The following KCNJ6 variants were observed in gnomAD, a reference collection of about 807,000 sequenced individuals.
KCNJ6 encodes the protein potassium inwardly rectifying channel subfamily J member 6, also known as G protein-activated inward rectifier potassium channel 2.
KCNJ6 carries 9 observed loss-of-function variants against 34.2 expected under a neutral mutation model. The ratio of observed to expected loss-of-function variants is 0.26; its 90% CI spans 0.16 to 0.46. The LOEUF (loss-of-function observed/expected upper bound fraction) is 0.46, where lower values mean the gene tolerates loss of function less well. Among genes scored for constraint, KCNJ6 ranks in the 20% least tolerant of loss-of-function variants. The pLI is 1.00. For missense variants in KCNJ6, 236 were observed against 531.3 expected (o/e 0.44, Z 5.46); for synonymous variants, 196 against 207.1 (o/e 0.95, Z 0.46).
intron 2 of KCNJ6, among the ~76,000 whole-genome samples, chr21:37,821,865 A>C (rs574744823): frequency 6.6e-6 from 1 of 152,316 alleles, no homozygotes; most frequent in East Asian, 1.9e-4. Context: ...GCTGAATGAC[A>C]GTTTTCCTGT....
At chr21:37,902,222 C>A (rs554717206) in intron 1 of KCNJ6, among the ~76,000 whole-genome samples, 1 of 152,356 alleles carries the variant, frequency 6.6e-6, no homozygotes, top group African/African-American at 2.4e-5. Flanking sequence ...TTTTATATGG[C>A]TTAGAGAAGT....
intron 2 of KCNJ6, among the ~76,000 whole-genome samples, chr21:37,796,135 T>C (rs1354601847): frequency 6.6e-6 from 1 of 152,114 alleles, no homozygotes; most frequent in African/African-American, 2.4e-5. Context: ...CCGTAGCCCG[T>C]GGTTGCATCC....
chr21:37,807,184 G>A (rs1044495614), intron 2 of KCNJ6, among the ~76,000 whole-genome samples: 3 of 152,226 alleles, frequency 2.0e-5, no homozygotes, highest in Admixed American at 1.3e-4. Flanking sequence ...CCCATATGTC[G>A]GGAACATTGA....
intron 2 of KCNJ6, among the ~76,000 whole-genome samples, chr21:37,725,096 C>A (rs2054847445): frequency 6.6e-6 from 1 of 151,646 alleles, no homozygotes; most frequent in South Asian, 2.1e-4. Context: ...TCCCAGTTTA[C>A]AAAAGCAATA....
chr21:37,731,952 A>AGG (rs1390450137), intron 2 of KCNJ6, among the ~76,000 whole-genome samples: 2 of 152,204 alleles, frequency 1.3e-5, no homozygotes, highest in Non-Finnish European at 2.9e-5. Flanking sequence ...GACTCTGAAT[A>AGG]GGGTGGTCAG....
intron 2 of KCNJ6, among the ~76,000 whole-genome samples, chr21:37,806,902 A>T (rs963750231): frequency 1.4e-4 from 21 of 152,374 alleles, no homozygotes; most frequent in African/African-American, 4.8e-4. Flanking sequence ...GTGACTGATA[A>T]ACCTTCTGTA....
intron 2 of KCNJ6, among the ~76,000 whole-genome samples, chr21:37,750,117 CAT>C (rs1424243016): frequency 6.6e-6 from 1 of 152,160 alleles, no homozygotes; most frequent in African/African-American, 2.4e-5. Flanking sequence ...AGCCAACAAA[CAT>C]ATGAAAAAAA....
At chr21:37,660,559 G>T (rs968615439) in intron 3 of KCNJ6, among the ~76,000 whole-genome samples, 1 of 152,152 alleles carries the variant, frequency 6.6e-6, no homozygotes. Flanking sequence ...AGAATGCATT[G>T]TTCCCATAAG....
At position 37,763,313 on chromosome 21, in the gene KCNJ6, C is replaced by T. The variant is rs560823018; in HGVS notation, c.26-48182G>A. On this transcript the variant is annotated intron_variant, in intron 2 of 3. Transcript: ENST00000609713. Reference sequence around the variant, plus strand: ...GCAAGGGTGGAATTTTTGGTGGATGCGATGATCTGTCTTCTCGTGGTAAGG... The same window carrying T: ...GCAAGGGTGGAATTTTTGGTGGATGTGATGATCTGTCTTCTCGTGGTAAGG... Among the ~76,000 whole-genome samples, 275 of 152,240 alleles carry T rather than the reference C, an allele frequency of 1.8e-3. 4 individuals are homozygous for T. The highest frequency in any genetic ancestry group is 6.3e-3 in the African/African-American group (262 of 41,540).
At chr21:37,754,801 G>A (rs1168221774) in intron 2 of KCNJ6, among the ~76,000 whole-genome samples, 1 of 152,202 alleles carries the variant, frequency 6.6e-6, no homozygotes, top group East Asian at 1.9e-4. Flanking sequence ...TGGAAGAAAG[G>A]CCTGGATTTC....
At chr21:37,702,824 A>T (rs762657485) in intron 3 of KCNJ6, among the ~76,000 whole-genome samples, 2 of 152,054 alleles carry the variant, frequency 1.3e-5, no homozygotes, top group Non-Finnish European at 1.5e-5. Flanking sequence ...GCAGTAGGGG[A>T]GTCATGAGTG....
At chr21:37,719,920 T>C (rs1238598526) in intron 2 of KCNJ6, among the ~76,000 whole-genome samples, 1 of 152,196 alleles carries the variant, frequency 6.6e-6, no homozygotes, top group African/African-American at 2.4e-5. Flanking sequence ...TTTCAAGTTG[T>C]ATATGAATTT....
chr21:37,651,412 G>C (rs2054432905), intron 3 of KCNJ6, among the ~76,000 whole-genome samples: 2 of 152,172 alleles, frequency 1.3e-5, no homozygotes, highest in Admixed American at 6.5e-5. Context: ...TCTGTGTTTT[G>C]AAAAGAGCCC....
rs541381569 is a variant in KCNJ6 at position 37,713,730 on chromosome 21, T to C, written c.946+481A>G. ...GGAGAGATACTAGGCACTCACTTCA[T>C]ACAAAAGAAAAACCAATGCTATAGG... On this transcript the variant is annotated intron_variant, in intron 3 of 3. Transcript: ENST00000609713. Among the ~76,000 whole-genome samples the C allele has an allele frequency of 2.0e-5, 3 of 152,294 alleles. No homozygotes were observed. The East Asian group carries it at 5.8e-4, about 29-fold the overall frequency.
rs757550385 is a variant in KCNJ6, at chr21:37,625,112, A to T, written c.*47T>A. 2.3e-6 allele frequency: 3 copies of T among 1,289,044 alleles called. No individual in the cohort carries two copies. The highest frequency in any genetic ancestry group is 3.0e-5 in the African/African-American group (2 of 67,704). 79.9% of individuals were successfully genotyped at this position (1,289,044 alleles called of 1,614,324 possible). On this transcript the variant is annotated 3_prime_UTR_variant, in exon 4 of 4. Transcript: ENST00000609713. ...AAAAGAAAGAGAATGAGAGACAAGG[A>T]AAGATTGTGTTGGGGGGAGAAGAGA...
intron 2 of KCNJ6, among the ~76,000 whole-genome samples, chr21:37,825,665 C>A (rs904108064): frequency 6.6e-6 from 1 of 152,130 alleles, no homozygotes; most frequent in Admixed American, 6.5e-5. Flanking sequence ...CGTCCGTTTC[C>A]ACACTGCTAA....
chr21:37,614,504 G>GTGTCTGTGTGCGTGTATGCA lies in KCNJ6; in HGVS notation c.*10654_*10655insTGCATACACGCACACAGACA, dbSNP rs1171112354. On this transcript the variant is annotated 3_prime_UTR_variant, in exon 4 of 4. Transcript: ENST00000609713. Reference sequence around the variant, plus strand: ...CATGTGTCTGTGTGCGTGTATGCATGTGTCTCTGTATGCATGTGTGTATGC... The same window carrying GTGTCTGTGTGCGTGTATGCA: ...CATGTGTCTGTGTGCGTGTATGCATGTGTCTGTGTGCGTGTATGCATGTCTCTGTATGCATGTGTGTATGC... 5 of 142,444 alleles carry GTGTCTGTGTGCGTGTATGCA rather than the reference G, an allele frequency of 3.5e-5. No homozygotes were observed. Among genetic ancestry groups the GTGTCTGTGTGCGTGTATGCA allele is most frequent in the South Asian group, 2.3e-4 (1 of 4,366 alleles). The allele number at this position is 142,444 out of a possible 1,614,324, so 8.8% of individuals were successfully genotyped here. A position where few individuals can be genotyped will look rare whatever the true frequency, so the allele number is the denominator to read the frequency against.
At chr21:37,787,623 TG>T (rs1337011061) in intron 2 of KCNJ6, among the ~76,000 whole-genome samples, 1 of 152,218 alleles carries the variant, frequency 6.6e-6, no homozygotes, top group Non-Finnish European at 1.5e-5. Context: ...TGAATGTATT[TG>T]TTTGGGAACT....
intron 2 of KCNJ6, among the ~76,000 whole-genome samples, chr21:37,760,308 G>A (rs1403864096): frequency 6.6e-6 from 1 of 152,174 alleles, no homozygotes; most frequent in Non-Finnish European, 1.5e-5. Context: ...TCATTTCATG[G>A]ACAAGGAAAC....
Sources: allele counts gnomAD v4.1 joint callset (sites outside exome capture counted in the v4.1 genomes callset), GRCh38; gene constraint gnomAD v4.1.1; transcripts MANE v1.5; gene names NCBI Gene and HGNC (gene_info 2026-07-23, HGNC 2026-07-21).